Variants in RABGAP1L observed in about 807,000 individuals in gnomAD.
RABGAP1L encodes RAB GTPase activating protein 1 like.
Under a neutral mutation model 137.7 loss-of-function variants are expected in RABGAP1L, and 63 were observed. The ratio of observed to expected loss-of-function variants is 0.46; its 90% confidence interval spans 0.37 to 0.56. The LOEUF (loss-of-function observed/expected upper bound fraction) is 0.56. Ranked by LOEUF, RABGAP1L falls within the 20% of genes least tolerant of loss-of-function variation. The pLI is 0.00. For synonymous variants in RABGAP1L, 431 were observed against 433.7 expected, an observed-to-expected ratio of 0.99 and a Z score of 0.08; for missense variants, 1,095 against 1,244.0, an observed-to-expected ratio of 0.88 and a Z score of 1.80.
intron 3 of RABGAP1L, among the ~76,000 whole-genome samples, chr1:174,227,153 T>C (rs2148491573): frequency 6.6e-6 from 1 of 152,062 alleles, no homozygotes; most frequent in Non-Finnish European, 1.5e-5. Context: ...CCACCAAACC[T>C]AAAATATTTA....
At chr1:174,789,405 A>G (rs1441689060) in intron 18 of RABGAP1L, among the ~76,000 whole-genome samples, 6 of 152,248 alleles carry the variant, frequency 3.9e-5, no homozygotes, top group Admixed American at 1.3e-4. Flanking sequence ...CATGAAGAAT[A>G]TATTTTCAGA....
At chr1:174,341,903 T>G (rs1682006125) in intron 11 of RABGAP1L, among the ~76,000 whole-genome samples, 1 of 152,200 alleles carries the variant, frequency 6.6e-6, no homozygotes, top group Admixed American at 6.5e-5. Flanking sequence ...AGTATCTTTC[T>G]TGATAAGTAC....
At chr1:174,765,756 A>G (rs887048643) in intron 18 of RABGAP1L, among the ~76,000 whole-genome samples, 1 of 152,188 alleles carries the variant, frequency 6.6e-6, no homozygotes, top group Non-Finnish European at 1.5e-5. Context: ...ATTTTAAGGA[A>G]GTCCAATTTA....
intron 22 of RABGAP1L, among the ~76,000 whole-genome samples, chr1:174,978,325 G>A (rs559553773): frequency 5.9e-5 from 9 of 152,070 alleles, no homozygotes; most frequent in African/African-American, 2.2e-4. Context: ...ATCTTCCCCC[G>A]TCTTTTCTAA....
At chr1:174,959,193 A>G (rs1176717954) in intron 20 of RABGAP1L, among the ~76,000 whole-genome samples, 2 of 152,224 alleles carry the variant, frequency 1.3e-5, no homozygotes, top group African/African-American at 4.8e-5. Flanking sequence ...TTCACCACCA[A>G]CATCCCCTCA....
chr1:174,432,815 C>T (rs2149202164), intron 13 of RABGAP1L, among the ~76,000 whole-genome samples: 1 of 152,232 alleles, frequency 6.6e-6, no homozygotes. Flanking sequence ...GTATTACAGG[C>T]GTGAGCCACT....
chr1:174,857,265 G>A (rs903955997), intron 19 of RABGAP1L, among the ~76,000 whole-genome samples: 10 of 152,074 alleles, frequency 6.6e-5, no homozygotes, highest in Non-Finnish European at 1.3e-4. Context: ...CCTGAGAGCC[G>A]CCATTTATGA....
At chr1:174,572,323 G>C (rs1668042567) in intron 13 of RABGAP1L, among the ~76,000 whole-genome samples, 1 of 152,112 alleles carries the variant, frequency 6.6e-6, no homozygotes, top group South Asian at 2.1e-4. Flanking sequence ...TATTACGCTT[G>C]ACCTGTTTTC....
intron 13 of RABGAP1L, among the ~76,000 whole-genome samples, chr1:174,493,649 G>C (rs138169527): frequency 2.4e-4 from 37 of 151,686 alleles, no homozygotes; most frequent in African/African-American, 8.7e-4. Context: ...GCAAAACTTT[G>C]TCTCTACTGA....
chr1:174,931,872 C>T (rs1028203880), intron 19 of RABGAP1L, among the ~76,000 whole-genome samples: 22 of 151,782 alleles, frequency 1.4e-4, no homozygotes, highest in African/African-American at 4.8e-4. Flanking sequence ...ATGTTGGCTT[C>T]TCTGGTAGAA....
At chr1:174,325,207 A>G (rs1378723955) in intron 11 of RABGAP1L, among the ~76,000 whole-genome samples, 1 of 152,230 alleles carries the variant, frequency 6.6e-6, no homozygotes, top group African/African-American at 2.4e-5. Context: ...CTCTGCTTAG[A>G]GTTTTTTCAA....
At chr1:174,859,971 TTTTTTC>T (rs1261748861) in intron 19 of RABGAP1L, among the ~76,000 whole-genome samples, 2 of 130,970 alleles carry the variant, frequency 1.5e-5, no homozygotes, top group Non-Finnish European at 3.1e-5. Flanking sequence ...TTTTTTTTTT[TTTTTTC>T]CAAATAAAGT....
rs188480785 is a variant in RABGAP1L, at chr1:174,556,612, A to G, written c.1711-80763A>G. ...ATGCAGCCTGAATAGTAACTCTGGGATCAGGTTACACAGTTGAAATAATAG... is the reference window on the plus strand; with the variant it reads ...ATGCAGCCTGAATAGTAACTCTGGGGTCAGGTTACACAGTTGAAATAATAG... On this transcript the variant is annotated intron_variant, in intron 13 of 25. Coordinates refer to ENST00000681986, the MANE Select transcript of RABGAP1L (RefSeq NM_001366446.1). 2.8e-4 allele frequency among the ~76,000 whole-genome samples: 43 copies of G among 152,320 alleles called. No homozygotes were observed. In the East Asian group the frequency reaches 7.3e-3, roughly 26 times the overall value.
intron 13 of RABGAP1L, among the ~76,000 whole-genome samples, chr1:174,622,630 C>T (rs748042119): frequency 3.3e-5 from 5 of 152,168 alleles, no homozygotes; most frequent in Non-Finnish European, 5.9e-5. Context: ...CGCATGTTCT[C>T]ACTCATAGGT....
chr1:174,361,958 T>G (rs990039373), intron 11 of RABGAP1L, among the ~76,000 whole-genome samples: 2 of 152,124 alleles, frequency 1.3e-5, no homozygotes, highest in Non-Finnish European at 2.9e-5. Flanking sequence ...CGATAGACCC[T>G]AGTGTGTATT....
intron 1 of RABGAP1L, among the ~76,000 whole-genome samples, chr1:174,192,118 T>C (rs1667252852): frequency 2.0e-5 from 3 of 152,192 alleles, no homozygotes; most frequent in African/African-American, 7.2e-5. Context: ...AATGTTATAA[T>C]TGAACTTAGA....
rs555091018 is a variant in RABGAP1L, at chr1:174,454,007, G to A, written c.1710+59862G>A. Among the ~76,000 whole-genome samples, 32 of 152,286 alleles carry A rather than the reference G, an allele frequency of 2.1e-4. No individual in the cohort carries two copies. The South Asian group carries it at 3.9e-3, about 19-fold the overall frequency. On this transcript the variant is annotated intron_variant, in intron 13 of 25. Transcript: ENST00000681986. ...AGGCTGGGCGCGGTGGCTCACACCC[G>A]TAATCCCAGCACTTTGGGAGGCCGA...
chr1:174,237,783 C>T (rs1406100854), intron 4 of RABGAP1L, among the ~76,000 whole-genome samples: 4 of 144,038 alleles, frequency 2.8e-5, no homozygotes, highest in Admixed American at 1.4e-4. Context: ...ATCTTTGTGG[C>T]GTTCTCTGTA....
intron 10 of RABGAP1L, among the ~76,000 whole-genome samples, chr1:174,301,768 A>G (rs1677729527): frequency 1.3e-5 from 2 of 152,138 alleles, no homozygotes; most frequent in Non-Finnish European, 2.9e-5. Context: ...TGAGTATGCA[A>G]AAAGATTAAA....
Sources: allele counts gnomAD v4.1 joint callset (sites outside exome capture counted in the v4.1 genomes callset), GRCh38; gene constraint gnomAD v4.1.1; transcripts MANE v1.5; gene names NCBI Gene and HGNC (gene_info 2026-07-23, HGNC 2026-07-21).